Variants in MMD2 observed in about 807,000 individuals in gnomAD.
MMD2 encodes monocyte to macrophage differentiation associated 2.
In MMD2, 30 loss-of-function variants were observed where a neutral mutation model predicts 33.5. That is an observed-to-expected ratio of 0.90 (90% confidence interval 0.67 to 1.22). The LOEUF is 1.22. Among genes scored for constraint, MMD2 ranks in the 50% most tolerant of loss-of-function variants. The pLI is 0.00. For synonymous variants in MMD2, 129 were observed against 123.0 expected (o/e 1.05, Z -0.32); for missense variants, 364 against 325.4 (o/e 1.12, Z -0.91).
intron 1 of MMD2, among the ~76,000 whole-genome samples, chr7:4,947,928 G>A (rs911203547): frequency 6.6e-6 from 1 of 151,858 alleles, no homozygotes; most frequent in Non-Finnish European, 1.5e-5. Context: ...TTGATCTCCC[G>A]ACCTGGTGAT....
chr7:4,933,940 CT>C (rs71032998), intron 1 of MMD2, among the ~76,000 whole-genome samples: 32,699 of 118,344 alleles, frequency 0.28, 4,590 homozygotes, highest in Middle Eastern at 0.38. Flanking sequence ...GCCACAATGC[CT>C]TTTTTTTTTT....
Position 4,946,922 on chromosome 7 carries a change from T to A in MMD2, c.47+12049A>T, listed in dbSNP as rs1027892056. Among the ~76,000 whole-genome samples, 3 of 151,750 alleles carry A rather than the reference T, an allele frequency of 2.0e-5. No homozygotes were observed. The highest frequency in any genetic ancestry group is 7.3e-5 in the African/African-American group (3 of 41,292). ...CTGGGTAATTCATAAAGAAAAGGAG[T>A]TTAGGCTGGGTGTGGTGGCTCATAC... On this transcript the variant is annotated intron_variant, in intron 1 of 6. Coordinates refer to ENST00000401401, the MANE Select transcript of MMD2 (RefSeq NM_198403.4). The surrounding 1 kb of genome is among the most constrained non-coding windows in gnomAD (Gnocchi z 5.0).
Position 4,925,436 on chromosome 7 carries a change from C to A in MMD2, c.129+15G>T, listed in dbSNP as rs761565522. 3.9e-5 allele frequency: 60 copies of A among 1,535,202 alleles called. No homozygotes were observed. The highest frequency in any genetic ancestry group is 1.8e-4 in the Middle Eastern group (1 of 5,462). ...GTCCCCATCTCAGCCCTGAGCCCCC[C>A]AAAAGCCAACTCACAGCATGGGTGG... On this transcript the variant is annotated intron_variant, in intron 2 of 6. Coordinates refer to ENST00000401401, the MANE Select transcript of MMD2 (RefSeq NM_198403.4).
chr7:4,913,647 G>A (rs1166236274), intron 4 of MMD2, among the ~76,000 whole-genome samples: 1 of 148,668 alleles, frequency 6.7e-6, no homozygotes, highest in Non-Finnish European at 1.5e-5. Flanking sequence ...GAACCCGGGA[G>A]GCAGGGTTTG....
chr7:4,929,099 T>C (rs984187496), intron 1 of MMD2, among the ~76,000 whole-genome samples: 1 of 152,156 alleles, frequency 6.6e-6, no homozygotes, highest in African/African-American at 2.4e-5. Flanking sequence ...CACTGTGATT[T>C]GCCCTGGGAC....
At chr7:4,908,869 G>T (rs755340550) in intron 6 of MMD2, among the ~76,000 whole-genome samples, 4 of 149,012 alleles carry the variant, frequency 2.7e-5, no homozygotes, top group Non-Finnish European at 3.0e-5. Flanking sequence ...TGCATTCCAC[G>T]CTGGGCAACA....
At chr7:4,920,388 C>T in intron 2 of MMD2, 57 bp from the exon 3 acceptor site, 1 of 1,548,508 alleles carries the variant, frequency 6.5e-7, no homozygotes, top group South Asian at 1.2e-5. Flanking sequence ...CAGAGCACAC[C>T]TCCTGCCCCT....
intron 1 of MMD2, among the ~76,000 whole-genome samples, chr7:4,934,274 T>C (rs932119228): frequency 1.3e-5 from 2 of 151,132 alleles, no homozygotes; most frequent in African/African-American, 4.8e-5. Flanking sequence ...ACTAATTTTT[T>C]TGGATTTTTA....
At chr7:4,955,470 C>T (rs192811371) in intron 1 of MMD2, among the ~76,000 whole-genome samples, 26 of 152,216 alleles carry the variant, frequency 1.7e-4, no homozygotes, top group African/African-American at 5.3e-4. Context: ...GATACCAATA[C>T]GGTAGACACA....
rs1008998924 is a variant in MMD2, at chr7:4,946,534, A to G, written c.47+12437T>C. 7.2e-5 allele frequency among the ~76,000 whole-genome samples: 11 copies of G among 152,164 alleles called. No homozygotes were observed. The highest frequency in any genetic ancestry group is 6.6e-5 in the Admixed American group (1 of 15,254). On this transcript the variant is annotated intron_variant, in intron 1 of 6. Transcript: ENST00000401401. The surrounding 1 kb of genome is among the most constrained non-coding windows in gnomAD (Gnocchi z 5.0). ...CGCGAGTGAAACAAAGGATTCAGAC[A>G]ATGATAACCAATGGATGCTAAGACC...
intron 1 of MMD2, among the ~76,000 whole-genome samples, chr7:4,949,109 C>A (rs2115156938): frequency 1.3e-5 from 2 of 152,174 alleles, no homozygotes; most frequent in East Asian, 3.9e-4. Context: ...ACTCGGGACG[C>A]TGAGGAAGGA....
intron 1 of MMD2, among the ~76,000 whole-genome samples, chr7:4,941,355 C>T (rs866183269): frequency 2.0e-5 from 3 of 152,174 alleles, no homozygotes; most frequent in African/African-American, 7.2e-5. Flanking sequence ...TCTGACCGGG[C>T]GCGGTGGCTC....
chr7:4,907,636 G>A (rs780267232), intron 6 of MMD2, 37 bp from the exon 7 acceptor site: 2 of 1,605,456 alleles, frequency 1.2e-6, no homozygotes, highest in Non-Finnish European at 1.7e-6. Flanking sequence ...CAGGTCAGAG[G>A]GGCAGTCAGT....
chr7:4,930,006 A>C (rs560639461), intron 1 of MMD2, among the ~76,000 whole-genome samples: 39 of 152,052 alleles, frequency 2.6e-4, no homozygotes, highest in Non-Finnish European at 4.9e-4. Flanking sequence ...ATGGTGGCTC[A>C]CACCTGTAAT....
chr7:4,933,267 C>G (rs1785642530), intron 1 of MMD2, among the ~76,000 whole-genome samples: 1 of 152,092 alleles, frequency 6.6e-6, no homozygotes, highest in Non-Finnish European at 1.5e-5. Flanking sequence ...GAGGCCGAGG[C>G]AAGAGGATCA....
intron 1 of MMD2, among the ~76,000 whole-genome samples, chr7:4,952,663 G>C (rs1408397352): frequency 1.3e-5 from 2 of 151,188 alleles, no homozygotes; most frequent in Non-Finnish European, 2.9e-5. Flanking sequence ...CACATGTGGG[G>C]ATCTCGGTTG....
At chr7:4,898,003 G>T in the MMD2 span, among the ~76,000 whole-genome samples, 2 of 152,166 alleles carry the variant, frequency 1.3e-5, no homozygotes, top group Non-Finnish European at 1.5e-5. Flanking sequence ...CTCCCAAAGT[G>T]CTGGGATTAC....
rs1246051565 is a variant in MMD2 at position 4,959,155 on chromosome 7, G to A, written c.-138C>T. On this transcript the variant is annotated 5_prime_UTR_variant, in exon 1 of 7. Transcript: ENST00000401401. ...GGGACCTGGTCGGCGCCCGGAGCCG[G>A]AGCCGGAGCCCGAGCCGGAGCTGGA... 3 of 611,372 alleles carry A rather than the reference G, an allele frequency of 4.9e-6. No homozygotes were observed. The African/African-American group carries it at 5.9e-5, about 12-fold the overall frequency. 37.9% of individuals were successfully genotyped at this position (611,372 alleles called of 1,614,324 possible).
intron 1 of MMD2, among the ~76,000 whole-genome samples, chr7:4,932,689 C>T (rs1340740768): frequency 2.0e-5 from 3 of 150,014 alleles, no homozygotes; most frequent in East Asian, 1.9e-4. Context: ...GTGGCATGAT[C>T]TCAGCTCACT....
Sources: allele counts gnomAD v4.1 joint callset (sites outside exome capture counted in the v4.1 genomes callset), GRCh38; gene constraint gnomAD v4.1.1; non-coding constraint Gnocchi (gnomAD v3.1); transcripts MANE v1.5; gene names NCBI Gene and HGNC (gene_info 2026-07-23, HGNC 2026-07-21).